Variants in MESD observed in about 807,000 individuals in gnomAD.
MESD encodes the protein LRP chaperone MESD.
In MESD, 7 loss-of-function variants were observed where a neutral mutation model predicts 12.9. The observed-to-expected ratio is 0.54, with a 90% CI of 0.31 to 1.02. MESD has a LOEUF of 1.02. Ranked by LOEUF, MESD falls within the 50% of genes least tolerant of loss-of-function variation. The pLI is 0.05. For synonymous variants in MESD, 126 were observed against 115.6 expected, an observed-to-expected ratio of 1.09 and a Z score of -0.58; for missense variants, 342 against 296.7, an observed-to-expected ratio of 1.15 and a Z score of -1.12.
At chr15:80,980,219 T>C (rs1902539144) in intron 2 of MESD, among the ~76,000 whole-genome samples, 1 of 152,198 alleles carries the variant, frequency 6.6e-6, no homozygotes, top group African/African-American at 2.4e-5. Flanking sequence ...TCTGTCTAGG[T>C]GTCTATTTAA....
At chr15:80,974,751 A>G (rs895546701), downstream of MESD, among the ~76,000 whole-genome samples, 7 of 143,260 alleles carry the variant, frequency 4.9e-5, no homozygotes, top group African/African-American at 1.8e-4. Context: ...AAAGATTCAG[A>G]AAAAAAAAAA....
At chr15:80,980,488 A>C (rs771338865) in intron 2 of MESD, among the ~76,000 whole-genome samples, 3 of 152,242 alleles carry the variant, frequency 2.0e-5, no homozygotes, top group Non-Finnish European at 4.4e-5. Context: ...CACACAAAGC[A>C]CTTTCCACTG....
Position 80,978,978 on chromosome 15 carries a change from G to C in MESD, c.*241C>G, listed in dbSNP as rs1902496744. 1 of 560,236 alleles carries C rather than the reference G, an allele frequency of 1.8e-6. No individual in the cohort carries two copies. The highest frequency in any genetic ancestry group is 3.1e-6 in the Non-Finnish European group (1 of 322,832). 34.7% of individuals were successfully genotyped at this position (560,236 alleles called of 1,614,324 possible). A position where few individuals can be genotyped will look rare whatever the true frequency, so the allele number is the denominator to read the frequency against. Reference sequence around the variant, plus strand: ...ACACAGTCACATTTCCATGTAAGGAGATTTTATAGTAAACATGAATTTGTC... The same window carrying C: ...ACACAGTCACATTTCCATGTAAGGACATTTTATAGTAAACATGAATTTGTC... On this transcript the variant is annotated 3_prime_UTR_variant, in exon 3 of 3. Coordinates refer to ENST00000261758, the MANE Select transcript of MESD (RefSeq NM_015154.3).
intron 1 of MESD, among the ~76,000 whole-genome samples, chr15:80,986,202 G>A (rs993418181): frequency 6.6e-6 from 1 of 152,108 alleles, no homozygotes; most frequent in Non-Finnish European, 1.5e-5. Flanking sequence ...CTTCGTATGC[G>A]GACCTAAAAT....
Position 80,978,968 on chromosome 15 carries a change from C to T in MESD, c.*251G>A. On this transcript the variant is annotated 3_prime_UTR_variant, in exon 3 of 3. Transcript: ENST00000261758. ...GGAAAAAGCAACACAGTCACATTTC[C>T]ATGTAAGGAGATTTTATAGTAAACA... is the stretch of plus-strand genomic sequence containing the variant. The T allele has an allele frequency of 1.9e-6, 1 of 535,942 alleles. No individual in the cohort carries two copies. Among genetic ancestry groups the T allele is most frequent in the African/African-American group, 1.9e-5 (1 of 52,830 alleles). The allele number at this position is 535,942 out of a possible 1,614,324, so 33.2% of individuals were successfully genotyped here.
rs1013839844 is a variant in MESD at position 80,989,775 on chromosome 15, C to A, written c.17G>T (p.Trp6Leu). Residue 6 changes from tryptophan to leucine, a missense_variant, in exon 1 of 3, where the codon TGG becomes TTG. By Grantham distance (61) the Trp-to-Leu change is moderately conservative (BLOSUM62 -2). Coordinates refer to ENST00000261758, the MANE Select transcript of MESD (RefSeq NM_015154.3). ...AAGCAGGACCACGGCCTTGCGCGCCCACCTGGAAGCCGCCATTTTCGCTGC... is the reference window on the plus strand; with the variant it reads ...AAGCAGGACCACGGCCTTGCGCGCCAACCTGGAAGCCGCCATTTTCGCTGC... The part of the protein sequence containing the change: MAASR[W>L]ARKAVVLLCA... The A allele has an allele frequency of 3.1e-6, 5 of 1,587,370 alleles. No homozygotes were observed. The highest frequency in any genetic ancestry group is 2.7e-5 in the African/African-American group (2 of 74,640).
At chr15:80,971,436 G>A (rs1440245110), downstream of MESD, among the ~76,000 whole-genome samples, 1 of 152,142 alleles carries the variant, frequency 6.6e-6, no homozygotes, top group Non-Finnish European at 1.5e-5. Context: ...GCTGAGCCCA[G>A]CGTTAGCAAC....
intron 1 of MESD, among the ~76,000 whole-genome samples, chr15:80,987,806 C>T (rs1284597978): frequency 6.7e-6 from 1 of 148,212 alleles, no homozygotes; most frequent in African/African-American, 2.5e-5. Context: ...CTTTTTACTA[C>T]ATTATGTGGC....
At chr15:80,984,637 T>C (rs1007429050) in intron 1 of MESD, among the ~76,000 whole-genome samples, 4 of 152,134 alleles carry the variant, frequency 2.6e-5, no homozygotes, top group Admixed American at 2.6e-4. Context: ...AGGTTTCTTT[T>C]GGGGATGATA....
chr15:80,962,011 G>A (rs1902095009), intron 3 of MESD, among the ~76,000 whole-genome samples: 1 of 152,168 alleles, frequency 6.6e-6, no homozygotes, highest in African/African-American at 2.4e-5. Flanking sequence ...AAATGTAAAT[G>A]GGCTAAATGC....
intron 1 of MESD, among the ~76,000 whole-genome samples, chr15:80,986,850 C>G (rs1902747341): frequency 6.6e-6 from 1 of 152,210 alleles, no homozygotes; most frequent in Non-Finnish European, 1.5e-5. Flanking sequence ...TCCCATGGTT[C>G]TTGATATTAA....
rs1902414713 is a variant in MESD, at chr15:80,976,255, T to C, written c.*2964A>G. On this transcript the variant is annotated 3_prime_UTR_variant, in exon 3 of 3. Transcript: ENST00000261758. ...ATCCACCCACCTCGGCCTCCCAAAGTACTGGGATTACAGGCGTGAGCCACT... is the reference window on the plus strand; with the variant it reads ...ATCCACCCACCTCGGCCTCCCAAAGCACTGGGATTACAGGCGTGAGCCACT... The C allele has an allele frequency of 6.6e-6, 1 of 152,484 alleles. No individual in the cohort carries two copies. Among genetic ancestry groups the C allele is most frequent in the Non-Finnish European group, 1.5e-5 (1 of 68,274 alleles). The allele number at this position is 152,484 out of a possible 1,614,324, so 9.4% of individuals were successfully genotyped here. A position where few individuals can be genotyped will look rare whatever the true frequency, so the allele number is the denominator to read the frequency against.
intron 3 of MESD, among the ~76,000 whole-genome samples, chr15:80,968,193 A>C (rs1468232386): frequency 6.6e-6 from 1 of 152,234 alleles, no homozygotes; most frequent in Non-Finnish European, 1.5e-5. Context: ...CTGAGAGCAG[A>C]GCACCAAGGT....
intron 1 of MESD, among the ~76,000 whole-genome samples, chr15:80,982,912 CTAAAAAAAAATT>C (rs1902619855): frequency 6.8e-6 from 1 of 147,442 alleles, no homozygotes. Flanking sequence ...AAGACTGTCT[CTAAAAAAAAATT>C]TAAAAGTAGC....
exon 5 of MESD, chr15:80,947,627 T>A (rs1313385677): frequency 1.3e-5 from 2 of 156,314 alleles, no homozygotes. Flanking sequence ...CATGTCAGCA[T>A]GACACCCATT....
intron 1 of MESD, among the ~76,000 whole-genome samples, chr15:80,988,697 C>T (rs925948069): frequency 7.2e-5 from 11 of 152,174 alleles, no homozygotes; most frequent in Admixed American, 5.9e-4. Context: ...CACAAAATAA[C>T]AAAACATCAG....
downstream of MESD, among the ~76,000 whole-genome samples, chr15:80,972,551 A>T (rs1226752235): frequency 6.6e-6 from 1 of 152,248 alleles, no homozygotes; most frequent in Non-Finnish European, 1.5e-5. Context: ...CTAGAAAGGG[A>T]CATGGATCGT....
At position 80,981,906 on chromosome 15, in the gene MESD, C is replaced by T. The variant is rs4993121; in HGVS notation, c.446+44G>A. On this transcript the variant is annotated intron_variant, in intron 2 of 2. Coordinates refer to ENST00000261758, the MANE Select transcript of MESD (RefSeq NM_015154.3). Reference sequence around the variant, plus strand: ...TTAATAATAATAATAAAGAAAAGACCGAGCACAGCCTATGAGTCTCTCAGC... The same window carrying T: ...TTAATAATAATAATAAAGAAAAGACTGAGCACAGCCTATGAGTCTCTCAGC... 1.7e-3 allele frequency: 2,243 copies of T among 1,281,802 alleles called. 40 individuals carry two copies. In the African/African-American group the frequency reaches 0.027, roughly 16 times the overall value. 79.4% of individuals were successfully genotyped at this position (1,281,802 alleles called of 1,614,324 possible).
chr15:80,949,312 A>G (rs539667930), intron 4 of MESD: 1 of 352,422 alleles, frequency 2.8e-6, no homozygotes, highest in Non-Finnish European at 5.5e-6. Flanking sequence ...AGGGCTGGTC[A>G]TTCACAGATC....
Sources: gnomAD v4.1 joint callset for allele counts (sites outside exome capture counted in the v4.1 genomes callset) on GRCh38, gnomAD v4.1.1 for gene constraint, MANE v1.5 for transcripts, NCBI Gene and HGNC (gene_info 2026-07-23, HGNC 2026-07-21) for gene names.